The following FMNL1 variants were observed in gnomAD, a reference collection of about 807,000 sequenced individuals.
FMNL1 encodes formin like 1.
In FMNL1, 43 loss-of-function variants were observed where a neutral mutation model predicts 121.3. That is an observed-to-expected ratio of 0.35 (90% CI 0.28 to 0.46). The LOEUF (loss-of-function observed/expected upper bound fraction) is 0.46. Among genes scored for constraint, FMNL1 ranks in the 20% least tolerant of loss-of-function variants. FMNL1 has a pLI of 1.00. For missense variants in FMNL1, 1,191 were observed against 1,482.4 expected, an observed-to-expected ratio of 0.80 and a Z score of 3.23; for synonymous variants, 613 against 613.5, an observed-to-expected ratio of 1.00 and a Z score of 0.01.
Position 45,221,966 on chromosome 17 carries a change from G to A in FMNL1, c.-159G>A. ...GATGGGACGCCGCGCTCCGGCCCCT[G>A]CGCGCCGCTGAGCCGAGCGCCCCCC... On this transcript the variant is annotated 5_prime_UTR_variant, in exon 1 of 27. Transcript: ENST00000331495. The A allele has an allele frequency of 2.2e-6, 1 of 453,726 alleles. No individual in the cohort carries two copies. Among genetic ancestry groups the A allele is most frequent in the Non-Finnish European group, 3.4e-6 (1 of 296,886 alleles). The allele number at this position is 453,726 out of a possible 1,614,324, so 28.1% of individuals were successfully genotyped here. A position where few individuals can be genotyped will look rare whatever the true frequency, so the allele number is the denominator to read the frequency against.
Position 45,242,356 on chromosome 17 carries a change from A to T in FMNL1, c.1901A>T (p.Lys634Met). The T allele has an allele frequency of 1.9e-6, 3 of 1,614,070 alleles. No individual in the cohort carries two copies. The highest frequency in any genetic ancestry group is 2.5e-6 in the Non-Finnish European group (3 of 1,179,918). The change falls in exon 16 of 27, where the codon AAG becomes ATG. Residue 634 changes from lysine to methionine, a missense_variant. Physicochemically the swap from Lys to Met is moderately conservative, Grantham distance 95. Transcript: ENST00000331495. ...SELGPGVKAK[K>M]PIQTKFRMPL... ...CCCGTCCCAGGAGTGAAGGCCAAGA[A>T]GCCCATCCAGACTAAGTTCCGAATG...
chr17:45,227,691 C>T lies in FMNL1; in HGVS notation c.130-2913C>T, dbSNP rs950703991. Among the ~76,000 whole-genome samples, 3 of 152,200 alleles carry T rather than the reference C, an allele frequency of 2.0e-5. No individual in the cohort carries two copies. In the South Asian group the frequency reaches 6.2e-4, roughly 32 times the overall value. On this transcript the variant is annotated intron_variant, in intron 1 of 26. Coordinates refer to ENST00000331495, the MANE Select transcript of FMNL1 (RefSeq NM_005892.4). ...GGTCTTCCATGGACCCCTGCCCCTC[C>T]ACCTCTTCTGCCTCTGTGAAGTGCT...
At chr17:45,235,518 A>G (rs114264476) in intron 6 of FMNL1, among the ~76,000 whole-genome samples, 185 of 152,336 alleles carry the variant, frequency 1.2e-3, no homozygotes, top group African/African-American at 4.3e-3. Flanking sequence ...ATGTGATAGA[A>G]TCATCAGAGA....
At chr17:45,234,387 G>A in intron 6 of FMNL1, 187 bp downstream of exon 6, 1 of 973,768 alleles carries the variant, frequency 1.0e-6, no homozygotes, top group Non-Finnish European at 1.5e-6. Flanking sequence ...GGGTGGGGCT[G>A]GGTGCTGTGG....
chr17:45,244,828 G>A lies in FMNL1; in HGVS notation c.2527G>A (p.Ala843Thr), dbSNP rs1271364656. ...KLRQILEIVL[A>T]FGNYMNSSKR... ...CTCCTGCCTCTCCCAGATTGTCCTG[G>A]CCTTTGGCAACTACATGAACAGTAG... Residue 843 changes from alanine to threonine, a missense_variant, in exon 20 of 27, where the codon GCC becomes ACC. Transcript: ENST00000331495. 6.2e-7 allele frequency: 1 copy of A among 1,612,822 alleles called. No individual in the cohort carries two copies. The highest frequency in any genetic ancestry group is 1.3e-5 in the African/African-American group (1 of 74,878).
chr17:45,241,783 A>AG lies in FMNL1; in HGVS notation c.1586-60dup, dbSNP rs1411042952. 1 of 1,400,214 alleles carries AG rather than the reference A, an allele frequency of 7.1e-7. No homozygotes were observed. The highest frequency in any genetic ancestry group is 9.2e-7 in the Non-Finnish European group (1 of 1,081,696). 86.7% of individuals were successfully genotyped at this position (1,400,214 alleles called of 1,614,324 possible). ...GCATGCGTAGAGCGGAGAGGCGGAG[A>AG]GGGGCCCACCCAAGTCAAGGAGCTG... On this transcript the variant is annotated intron_variant, in intron 14 of 26. Coordinates refer to ENST00000331495, the MANE Select transcript of FMNL1 (RefSeq NM_005892.4). This position sits in a 1 kb window ranked among gnomAD's most constrained non-coding sequence, Gnocchi z 7.0.
rs533362698 is a variant in FMNL1 at position 45,245,086 on chromosome 17, C to T, written c.2706C>T (p.His902=). Residue 902 remains histidine, a synonymous_variant, in exon 21 of 27, where the codon CAC becomes CAT. Transcript: ENST00000331495. ...TCACAGGCTTCCACAGCGACCTGCA[C>T]TTCCTGGACAAGGCGGGCTCAGGTA... ...PQLTGFHSDL[H]FLDKAGSVSL... is the part of the protein sequence containing the mutation. The T allele has an allele frequency of 3.1e-6, 5 of 1,614,194 alleles. No individual in the cohort carries two copies. The highest frequency in any genetic ancestry group is 1.1e-5 in the South Asian group (1 of 91,088).
intron 6 of FMNL1, 199 bp downstream of exon 6, chr17:45,234,399 T>C: frequency 1.2e-6 from 1 of 843,104 alleles, no homozygotes; most frequent in Non-Finnish European, 1.8e-6. Flanking sequence ...GTGCTGTGGC[T>C]CATGCCTGTA....
intron 1 of FMNL1, among the ~76,000 whole-genome samples, chr17:45,230,214 C>T (rs1008011277): frequency 6.6e-6 from 1 of 152,198 alleles, no homozygotes; most frequent in Non-Finnish European, 1.5e-5. Context: ...CCCCTGTTAG[C>T]TTCCCACCAG....
In FMNL1 at chr17:45,241,791, A is replaced by T; in HGVS notation, c.1586-56A>T. 2.1e-6 allele frequency: 3 copies of T among 1,397,608 alleles called. No homozygotes were observed. Among genetic ancestry groups the T allele is most frequent in the Non-Finnish European group, 2.8e-6 (3 of 1,080,994 alleles). 86.6% of individuals were successfully genotyped at this position (1,397,608 alleles called of 1,614,324 possible). ...AGAGCGGAGAGGCGGAGAGGGGCCC[A>T]CCCAAGTCAAGGAGCTGACTCGCGC... On this transcript the variant is annotated intron_variant, in intron 14 of 26. Transcript: ENST00000331495. This position sits in a 1 kb window ranked among gnomAD's most constrained non-coding sequence, Gnocchi z 7.0.
intron 1 of FMNL1, 23 bp from the exon 2 acceptor site, chr17:45,230,581 G>A: frequency 6.2e-7 from 1 of 1,613,082 alleles, no homozygotes; most frequent in East Asian, 2.2e-5. Context: ...AGGCTCAGGG[G>A]TCTTTGTCCT....
Position 45,231,735 on chromosome 17 carries a change from A to G in FMNL1, c.214-632A>G, listed in dbSNP as rs1310925333. ...CACTGAGCACAGGAGAGGAGCACGC[A>G]GGTTCCTGCCAACGCAGATGTGCAG... On this transcript the variant is annotated intron_variant, in intron 2 of 26. Coordinates refer to ENST00000331495, the MANE Select transcript of FMNL1 (RefSeq NM_005892.4). This position sits in a 1 kb window ranked among gnomAD's most constrained non-coding sequence, Gnocchi z 4.7. 1.3e-5 allele frequency among the ~76,000 whole-genome samples: 2 copies of G among 152,084 alleles called. No homozygotes were observed. The highest frequency in any genetic ancestry group is 2.9e-5 in the Non-Finnish European group (2 of 67,990).
Position 45,241,526 on chromosome 17 carries a change from C to CG in FMNL1, c.1482dup (p.Pro495AlafsTer21). 6.3e-7 allele frequency: 1 copy of CG among 1,577,164 alleles called. No individual in the cohort carries two copies. Among genetic ancestry groups the CG allele is most frequent in the African/African-American group, 1.3e-5 (1 of 74,478 alleles). The stretch of plus-strand genomic sequence containing the variant: ...GGAGAAGGGGTTAATCCGTATTCTG[C>CG]GGGGGCCGGGGGATGCTGTCTCCAT... On this transcript the variant is annotated frameshift_variant, in exon 14 of 27. Transcript: ENST00000331495. LOFTEE classifies it high-confidence loss of function. This position sits in a 1 kb window ranked among gnomAD's most constrained non-coding sequence, Gnocchi z 7.0.
chr17:45,240,470 G>T lies in FMNL1; in HGVS notation c.1081-6G>T. 1 of 1,607,548 alleles carries T rather than the reference G, an allele frequency of 6.2e-7. No individual in the cohort carries two copies. On this transcript the variant is annotated splice_region_variant and splice_polypyrimidine_tract_variant and intron_variant, in intron 11 of 26. Coordinates refer to ENST00000331495, the MANE Select transcript of FMNL1 (RefSeq NM_005892.4). ...CCTCACCCCACTCCTTCCATCTGGG[G>T]GACAGAGGCTTCGGCTCACCGAGAG...
chr17:45,239,008 C>T lies in FMNL1; in HGVS notation c.1023C>T (p.Asn341=). ...NIVVHSVENM[N]FRVFLQYEFT... The stretch of plus-strand genomic sequence containing the variant: ...TGGTACATTCGGTGGAGAACATGAA[C>T]TTCCGTGTCTTCCTGCAATATGAGT... Residue 341 remains asparagine (N), a synonymous_variant, in exon 11 of 27, where the codon AAC becomes AAT. Coordinates refer to ENST00000331495, the MANE Select transcript of FMNL1 (RefSeq NM_005892.4). The T allele has an allele frequency of 6.2e-7, 1 of 1,614,230 alleles. No individual in the cohort carries two copies. Among genetic ancestry groups the T allele is most frequent in the Non-Finnish European group, 8.5e-7 (1 of 1,180,032 alleles).
In FMNL1 at chr17:45,233,830, GC is replaced by G; in HGVS notation, c.485+102del. 1.3e-6 allele frequency: 2 copies of G among 1,491,086 alleles called. No homozygotes were observed. Among genetic ancestry groups the G allele is most frequent in the Non-Finnish European group, 1.8e-6 (2 of 1,098,218 alleles). 92.4% of individuals were successfully genotyped at this position (1,491,086 alleles called of 1,614,324 possible). ...CCCCTGGCCAGTTTCAAGCCAGGCA[GC>G]CCGAGCCTACCCTGGAACCCTCCAC... On this transcript the variant is annotated intron_variant, in intron 5 of 26. Transcript: ENST00000331495. The surrounding 1 kb of genome is among the most constrained non-coding windows in gnomAD (Gnocchi z 4.1).
intron 19 of FMNL1, 48 bp from the exon 20 acceptor site, chr17:45,244,771 T>C: frequency 6.4e-7 from 1 of 1,567,272 alleles, no homozygotes; most frequent in Non-Finnish European, 8.7e-7. Flanking sequence ...GCTTAAGCGG[T>C]GTCCTCAGCT....
rs1003266472 is a variant in FMNL1, at chr17:45,231,969, C to T, written c.214-398C>T. Among the ~76,000 whole-genome samples the T allele has an allele frequency of 2.0e-5, 3 of 152,156 alleles. No homozygotes were observed. Among genetic ancestry groups the T allele is most frequent in the Admixed American group, 1.3e-4 (2 of 15,278 alleles). Reference sequence around the variant, plus strand: ...CTGTGTCAGGGCTGTGGCCTGGGAGCCCATACAGGAAGGGCAGGCTAGGCC... The same window carrying T: ...CTGTGTCAGGGCTGTGGCCTGGGAGTCCATACAGGAAGGGCAGGCTAGGCC... On this transcript the variant is annotated intron_variant, in intron 2 of 26. Coordinates refer to ENST00000331495, the MANE Select transcript of FMNL1 (RefSeq NM_005892.4). The surrounding 1 kb of genome is among the most constrained non-coding windows in gnomAD (Gnocchi z 4.7).
chr17:45,232,607 G>C (rs1240754926), intron 3 of FMNL1, 127 bp downstream of exon 3: 1 of 826,242 alleles, frequency 1.2e-6, no homozygotes, highest in Non-Finnish European at 2.0e-6. Flanking sequence ...GTGTGTGTGT[G>C]TTTGTGTGTC....
Sources: gnomAD v4.1 joint callset for allele counts (sites outside exome capture counted in the v4.1 genomes callset) on GRCh38, gnomAD v4.1.1 for gene constraint, Gnocchi (gnomAD v3.1) non-coding constraint, MANE v1.5 for transcripts, NCBI Gene and HGNC (gene_info 2026-07-23, HGNC 2026-07-21) for gene names.